DST: variants seen among roughly 807,000 people sequenced by gnomAD.
DST encodes bullous pemphigoid antigen.
DST carries 253 observed loss-of-function variants against 875.2 expected under a neutral mutation model. That is an observed-to-expected ratio of 0.29 (90% CI 0.26 to 0.32). The LOEUF is 0.32. Among genes scored for constraint, DST ranks in the 10% least tolerant of loss-of-function variants. DST has a pLI of 1.00. For synonymous variants in DST, 3,124 were observed against 3,197.1 expected (o/e 0.98, Z 0.77); for missense variants, 8,287 against 9,111.6 (o/e 0.91, Z 3.68).
chr6:56,504,755 ACAAT>A (rs996648485), intron 77 of DST, among the ~76,000 whole-genome samples: 2 of 152,156 alleles, frequency 1.3e-5, no homozygotes, highest in African/African-American at 4.8e-5. Context: ...GTGCAGTGGC[ACAAT>A]CAAATAGCTC....
At chr6:56,668,206 G>A (rs2099081751) in intron 10 of DST, among the ~76,000 whole-genome samples, 1 of 152,180 alleles carries the variant, frequency 6.6e-6, no homozygotes, top group African/African-American at 2.4e-5. Context: ...AGTATAGAAT[G>A]TGTCCAGCTG....
chr6:56,616,716 T>C (rs778564856), intron 36 of DST: 3 of 1,614,202 alleles, frequency 1.9e-6, no homozygotes, highest in Middle Eastern at 1.6e-4. Context: ...ACACCCCCAC[T>C]GGCAATCTGG....
intron 99 of DST, among the ~76,000 whole-genome samples, chr6:56,465,688 T>C (rs1188191917): frequency 6.6e-6 from 1 of 152,104 alleles, no homozygotes; most frequent in Non-Finnish European, 1.5e-5. Flanking sequence ...TTTAAACTTT[T>C]ATTATCCAGT....
At position 56,572,895 on chromosome 6, in the gene DST, A is replaced by G; in HGVS notation, c.13406T>C (p.Leu4469Pro). ...SEASHKHKET[L>P]AKMEELKTKV... ...GGTTTTTAGCTCCTCCATTTTGGCA[A>G]GAGTTTCTTTGTGTTTATGACTTGC... is the stretch of plus-strand genomic sequence containing the variant. The change falls in exon 52 of 104, where the codon CTT becomes CCT. Residue 4469 changes from leucine (L) to proline (P), a missense_variant. Around this residue, in one of 10 missense-constraint regions of DST, gnomAD observed 1,513 missense variants for 1,677.8 expected, o/e 0.90. Coordinates refer to ENST00000680361, the MANE Select transcript of DST (RefSeq NM_001374736.1). The G allele has an allele frequency of 6.2e-7, 1 of 1,613,436 alleles. No homozygotes were observed. Among genetic ancestry groups the G allele is most frequent in the Non-Finnish European group, 8.5e-7 (1 of 1,179,732 alleles).
At chr6:56,469,021 A>G (rs2152392360) in intron 97 of DST, 22 bp from the exon 98 acceptor site, 1 of 1,562,948 alleles carries the variant, frequency 6.4e-7, no homozygotes, top group Admixed American at 1.9e-5. Flanking sequence ...GAAAAATGGA[A>G]GAAAGACACA....
chr6:56,600,011 A>T (rs1586214381), intron 45 of DST, 58 bp downstream of exon 45: 3 of 1,464,874 alleles, frequency 2.0e-6, no homozygotes, highest in Non-Finnish European at 2.8e-6. Flanking sequence ...TGACTTCCAA[A>T]TGATAGTAAT....
intron 10 of DST, among the ~76,000 whole-genome samples, chr6:56,670,145 T>TGC (rs2099093682): frequency 1.3e-5 from 2 of 150,648 alleles, no homozygotes; most frequent in South Asian, 4.2e-4. Flanking sequence ...TGTGTGTGTG[T>TGC]GTGTGTGTGT....
chr6:56,744,946 G>A (rs997546952), intron 4 of DST, among the ~76,000 whole-genome samples: 8 of 152,132 alleles, frequency 5.3e-5, no homozygotes, highest in East Asian at 1.9e-4. Context: ...TAGTATAGAC[G>A]TACAACTGAT....
chr6:56,668,770 A>G (rs2099084870), intron 10 of DST, among the ~76,000 whole-genome samples: 1 of 151,888 alleles, frequency 6.6e-6, no homozygotes, highest in Admixed American at 6.5e-5. Context: ...TTCCGTCTCA[A>G]AAAATTAATT....
intron 4 of DST, among the ~76,000 whole-genome samples, chr6:56,772,250 T>C (rs2099668039): frequency 6.6e-6 from 1 of 152,184 alleles, no homozygotes; most frequent in Non-Finnish European, 1.5e-5. Context: ...TAAAAACACA[T>C]AAATTTGCAA....
intron 5 of DST, among the ~76,000 whole-genome samples, chr6:56,718,467 AATG>A (rs2099402670): frequency 6.6e-6 from 1 of 152,258 alleles, no homozygotes; most frequent in Non-Finnish European, 1.5e-5. Flanking sequence ...GGAAAGGTGA[AATG>A]ATGCAACCAT....
rs1285776680 is a variant in DST, at chr6:56,463,594, G to C, written c.22930C>G (p.Pro7644Ala). The C allele has an allele frequency of 6.2e-7, 1 of 1,602,766 alleles. No individual in the cohort carries two copies. The highest frequency in any genetic ancestry group is 1.1e-5 in the South Asian group (1 of 89,768). The change falls in exon 101 of 104, where the codon CCA (proline) becomes GCA (alanine). Residue 7644 changes from proline (P) to alanine (A), a missense_variant. Transcript: ENST00000680361. ...GGTGTGGTGGTGGCAGGGACCTGTGGGGAGGCCGCCTGCGCAGCCTGACTG... is the reference window on the plus strand; with the variant it reads ...GGTGTGGTGGTGGCAGGGACCTGTGCGGAGGCCGCCTGCGCAGCCTGACTG... ...VSSQAAQAAS[P>A]QVPATTTPKI...
chr6:56,613,603 T>A (rs1386429428), intron 37 of DST, among the ~76,000 whole-genome samples: 1 of 69,012 alleles, frequency 1.4e-5, no homozygotes. Flanking sequence ...GAAAAACGCT[T>A]CTTATCTTAG....
Position 56,607,402 on chromosome 6 carries a change from T to C in DST, c.7226A>G (p.Lys2409Arg). 1 of 1,612,428 alleles carries C rather than the reference T, an allele frequency of 6.2e-7. No homozygotes were observed. Among genetic ancestry groups the C allele is most frequent in the South Asian group, 1.1e-5 (1 of 90,994 alleles). ...ENPIMKSKMS[K>R]FCGVNETENE... ...CTCTGTTTCATTCACACCACAGAAT[T>C]TACTCATTTTTGATTTCATAATAGG... The change falls in exon 40 of 104, where the codon AAA (lysine) becomes AGA (arginine). Residue 2409 changes from lysine to arginine, a missense_variant. Physicochemically the swap from Lys to Arg is conservative, Grantham distance 26. Transcript: ENST00000680361.
intron 4 of DST, among the ~76,000 whole-genome samples, chr6:56,739,373 C>T (rs1001154022): frequency 6.6e-6 from 1 of 151,980 alleles, no homozygotes; most frequent in African/African-American, 2.4e-5. Flanking sequence ...AACAAGGAAA[C>T]AGAAACAATT....
chr6:56,777,829 T>G (rs988936557), intron 4 of DST, among the ~76,000 whole-genome samples: 2 of 151,860 alleles, frequency 1.3e-5, no homozygotes, highest in African/African-American at 4.9e-5. Context: ...CCCAAGTACC[T>G]GGACTACAGG....
intron 61 of DST, among the ~76,000 whole-genome samples, chr6:56,539,093 G>A (rs2097072326): frequency 6.6e-6 from 1 of 152,088 alleles, no homozygotes; most frequent in Non-Finnish European, 1.5e-5. Flanking sequence ...TCAAGGAAAC[G>A]TTTTATTTTC....
chr6:56,630,602 G>A (rs1291365204), intron 30 of DST, among the ~76,000 whole-genome samples: 1 of 152,066 alleles, frequency 6.6e-6, no homozygotes, highest in Non-Finnish European at 1.5e-5. Flanking sequence ...GCAAGAGACT[G>A]CAACATAAGA....
At chr6:56,923,542 G>T (rs1805387527) in intron 2 of DST, among the ~76,000 whole-genome samples, 2 of 151,032 alleles carry the variant, frequency 1.3e-5, no homozygotes, top group South Asian at 4.2e-4. Context: ...AACAGATAAG[G>T]AACTGGCTCA....
Sources: gnomAD v4.1 joint callset for allele counts (sites outside exome capture counted in the v4.1 genomes callset) on GRCh38, gnomAD v4.1.1 for gene constraint, gnomAD v4.1.1 regional missense constraint, MANE v1.5 for transcripts, NCBI Gene and HGNC (gene_info 2026-07-23, HGNC 2026-07-21) for gene names.